Variants in SLC24A3 observed in about 807,000 individuals in gnomAD.
The protein encoded by SLC24A3 is sodium/potassium/calcium exchanger 3.
SLC24A3 carries 28 observed loss-of-function variants against 75.8 expected under a neutral mutation model. The observed-to-expected ratio is 0.37, with a 90% CI of 0.27 to 0.51. The LOEUF (loss-of-function observed/expected upper bound fraction) is 0.51, where lower values mean the gene tolerates loss of function less well. Ranked by LOEUF, SLC24A3 falls within the 20% of genes least tolerant of loss-of-function variation. The pLI, the probability that SLC24A3 is intolerant of heterozygous loss-of-function variation, is 0.94. For synonymous variants in SLC24A3, 372 were observed against 334.1 expected (o/e 1.11, Z -1.24); for missense variants, 663 against 847.8 (o/e 0.78, Z 2.71).
intron 1 of SLC24A3, among the ~76,000 whole-genome samples, chr20:19,254,078 G>C (rs1431328510): frequency 6.6e-6 from 1 of 152,194 alleles, no homozygotes; most frequent in Non-Finnish European, 1.5e-5. Flanking sequence ...CTGGAAATCT[G>C]GCTCTTTATA....
rs116077290 is a variant in SLC24A3, at chr20:19,547,599, G to T, written c.348+32035G>T. ...GAAGCCGGATCTCACAGGTGACTGC[G>T]TTCACTCGGCTGCTGTCATATTTCC... On this transcript the variant is annotated intron_variant, in intron 3 of 16. Coordinates refer to ENST00000328041, the MANE Select transcript of SLC24A3 (RefSeq NM_020689.4). Among the ~76,000 whole-genome samples the T allele has an allele frequency of 5.0e-3, 769 of 152,348 alleles. 9 individuals carry two copies. The highest frequency in any genetic ancestry group is 0.018 in the African/African-American group (732 of 41,578).
At chr20:19,552,359 A>G (rs971644459) in intron 3 of SLC24A3, among the ~76,000 whole-genome samples, 1 of 152,310 alleles carries the variant, frequency 6.6e-6, no homozygotes, top group South Asian at 2.1e-4. Flanking sequence ...TGCTGTCTAC[A>G]CAGCCGCCCA....
chr20:19,416,864 C>G (rs937116726), intron 2 of SLC24A3, among the ~76,000 whole-genome samples: 3 of 152,136 alleles, frequency 2.0e-5, no homozygotes, highest in African/African-American at 7.2e-5. Context: ...ATGGGGGAGA[C>G]ATGCAGATAC....
chr20:19,589,559 C>T (rs1304858121), intron 6 of SLC24A3, among the ~76,000 whole-genome samples: 1 of 152,146 alleles, frequency 6.6e-6, no homozygotes, highest in East Asian at 1.9e-4. Context: ...GCTATGAACT[C>T]AAGACAAAGA....
At chr20:19,307,690 A>C (rs1984363989) in intron 2 of SLC24A3, among the ~76,000 whole-genome samples, 2 of 152,318 alleles carry the variant, frequency 1.3e-5, no homozygotes, top group South Asian at 4.1e-4. Context: ...TGATGGGTGC[A>C]GCAAACCATC....
chr20:19,283,157 G>A (rs377364775), intron 2 of SLC24A3: 5 of 152,704 alleles, frequency 3.3e-5, no homozygotes, highest in South Asian at 2.1e-4. Flanking sequence ...CAAAAGAACC[G>A]GGCTTGGTTT....
chr20:19,419,448 G>A (rs999178966), intron 2 of SLC24A3, among the ~76,000 whole-genome samples: 20 of 152,178 alleles, frequency 1.3e-4, no homozygotes, highest in South Asian at 4.2e-4. Flanking sequence ...TGCAAGGACC[G>A]GGGATCTGGT....
At position 19,478,376 on chromosome 20, in the gene SLC24A3, C is replaced by T. The variant is rs554907314; in HGVS notation, c.272-37112C>T. On this transcript the variant is annotated intron_variant, in intron 2 of 16. Transcript: ENST00000328041. ...ATAAAATGTTTGCTGCTCTTGTTCTCGGCATGATCTTTCGTGCTATGGTTT... is the reference window on the plus strand; with the variant it reads ...ATAAAATGTTTGCTGCTCTTGTTCTTGGCATGATCTTTCGTGCTATGGTTT... 1.1e-4 allele frequency among the ~76,000 whole-genome samples: 17 copies of T among 152,282 alleles called. No homozygotes were observed. The South Asian group carries it at 2.9e-3, about 26-fold the overall frequency.
chr20:19,378,705 C>T lies in SLC24A3; in HGVS notation c.271+97618C>T, dbSNP rs78251203. ...CTGGAGGATTTGCTAACGAGACACA[C>T]AGGTCCCCAAAGCTCAGTCTTTCTT... is the stretch of plus-strand genomic sequence containing the variant. On this transcript the variant is annotated intron_variant, in intron 2 of 16. Coordinates refer to ENST00000328041, the MANE Select transcript of SLC24A3 (RefSeq NM_020689.4). Among the ~76,000 whole-genome samples the T allele has an allele frequency of 2.6e-3, 394 of 152,300 alleles. 1 individual carries two copies. Among genetic ancestry groups the T allele is most frequent in the African/African-American group, 9.2e-3 (382 of 41,558 alleles).
chr20:19,398,544 G>A (rs1424813481), intron 2 of SLC24A3, among the ~76,000 whole-genome samples: 1 of 152,066 alleles, frequency 6.6e-6, no homozygotes, highest in African/African-American at 2.4e-5. Context: ...TTGCAACCTT[G>A]TGAAACTCAC....
chr20:19,237,604 A>G (rs377409339), intron 1 of SLC24A3, among the ~76,000 whole-genome samples: 2 of 152,108 alleles, frequency 1.3e-5, no homozygotes, highest in East Asian at 1.9e-4. Flanking sequence ...CTGGGCTCTG[A>G]GCTGATCCTT....
At chr20:19,487,271 T>C (rs1056829219) in intron 2 of SLC24A3, among the ~76,000 whole-genome samples, 193 of 152,260 alleles carry the variant, frequency 1.3e-3, no homozygotes, top group African/African-American at 4.5e-3. Context: ...GGAGACCCCA[T>C]GCGTTAGGAA....
intron 2 of SLC24A3, among the ~76,000 whole-genome samples, chr20:19,356,773 T>C (rs988923469): frequency 1.3e-5 from 2 of 152,068 alleles, no homozygotes; most frequent in South Asian, 4.1e-4. Flanking sequence ...TTCCGATAGA[T>C]TTACACTTTG....
chr20:19,664,921 G>A (rs1044914927), intron 7 of SLC24A3, among the ~76,000 whole-genome samples: 1 of 152,160 alleles, frequency 6.6e-6, no homozygotes, highest in Non-Finnish European at 1.5e-5. Flanking sequence ...CTGAGTTCTC[G>A]AGCCAATTCT....
intron 1 of SLC24A3, among the ~76,000 whole-genome samples, chr20:19,270,362 T>A (rs1983290580): frequency 6.6e-6 from 1 of 152,168 alleles, no homozygotes; most frequent in Non-Finnish European, 1.5e-5. Context: ...CATGCATGCA[T>A]GCTCTTTAGA....
chr20:19,457,236 A>C (rs765735315), intron 2 of SLC24A3, among the ~76,000 whole-genome samples: 1 of 152,122 alleles, frequency 6.6e-6, no homozygotes, highest in Non-Finnish European at 1.5e-5. Flanking sequence ...TGAGGGGGGA[A>C]ATGTGGAGGA....
chr20:19,376,164 A>T (rs74273304), intron 2 of SLC24A3, among the ~76,000 whole-genome samples: 3,273 of 152,218 alleles, frequency 0.022, 42 homozygotes, highest in East Asian at 0.035. Context: ...GGAAAACAGA[A>T]CTGTTTCATG....
At chr20:19,634,674 T>C (rs1484665405) in intron 6 of SLC24A3, among the ~76,000 whole-genome samples, 1 of 152,086 alleles carries the variant, frequency 6.6e-6, no homozygotes, top group Non-Finnish European at 1.5e-5. Flanking sequence ...TCCACTTATA[T>C]GAAGTTCTAG....
intron 2 of SLC24A3, among the ~76,000 whole-genome samples, chr20:19,309,947 C>T (rs1339305931): frequency 1.3e-5 from 2 of 152,134 alleles, no homozygotes; most frequent in Non-Finnish European, 2.9e-5. Flanking sequence ...GGCAAAGCAT[C>T]ACACTCTTCC....
Sources: gnomAD v4.1 joint callset for allele counts (sites outside exome capture counted in the v4.1 genomes callset) on GRCh38, gnomAD v4.1.1 for gene constraint, MANE v1.5 for transcripts, NCBI Gene and HGNC (gene_info 2026-07-23, HGNC 2026-07-21) for gene names.